Variants in ZNF366 observed in about 807,000 individuals in gnomAD.
The protein encoded by ZNF366 is dendritic cell-specific transcript protein.
A neutral mutation model predicts 47.2 loss-of-function variants in ZNF366; 20 were observed. That is an observed-to-expected ratio of 0.42 (90% confidence interval 0.30 to 0.62). The LOEUF (loss-of-function observed/expected upper bound fraction) is 0.62, where lower values mean the gene tolerates loss of function less well. Among genes scored for constraint, ZNF366 ranks in the 20% least tolerant of loss-of-function variants. The probability of loss-of-function intolerance (pLI) is 0.16; values close to 1 mark genes in which losing one functional copy is unlikely to be tolerated. For missense variants in ZNF366, 987 were observed against 976.3 expected (o/e 1.01, Z -0.15); for synonymous variants, 421 against 395.1 (o/e 1.07, Z -0.78).
In ZNF366 at chr5:72,443,877, A is replaced by G. The variant is rs756197129; in HGVS notation, c.2114T>C (p.Phe705Ser). Residue 705 changes from phenylalanine (F) to serine (S), a missense_variant, in exon 5 of 5, where the codon TTT becomes TCT. Phe to Ser is a radical substitution (Grantham distance 155, BLOSUM62 -2). Transcript: ENST00000318442. Reference sequence around the variant, plus strand: ...AGAGGGGCCCCGCCGGGTACTCTGAAAAGCCCTGAGACTGAGACACTCATC... The same window carrying G: ...AGAGGGGCCCCGCCGGGTACTCTGAGAAGCCCTGAGACTGAGACACTCATC... Reference protein sequence around the residue: ...GRDECLSLRAFQSTRRGPSFS... With the variant: ...GRDECLSLRASQSTRRGPSFS... The G allele has an allele frequency of 3.7e-6, 6 of 1,614,186 alleles. No individual in the cohort carries two copies. The highest frequency in any genetic ancestry group is 5.1e-6 in the Non-Finnish European group (6 of 1,180,030).
At chr5:72,481,798 C>T (rs1340398850) in intron 1 of ZNF366, among the ~76,000 whole-genome samples, 1 of 152,190 alleles carries the variant, frequency 6.6e-6, no homozygotes, top group African/African-American at 2.4e-5. Context: ...CTAACTTACA[C>T]TGAGATAACT....
At position 72,447,393 on chromosome 5, in the gene ZNF366, TC is replaced by T; in HGVS notation, c.1548del (p.Met517CysfsTer4). ...KCKLCGKEFN[R>X]MHNLMGHMHL... is the part of the protein sequence containing the mutation. ...TGCATGTGGCCCATCAGGTTGTGCA[TC>T]CGGTTGAATTCCTTCCCACAAAGCT... is the stretch of plus-strand genomic sequence containing the variant. On this transcript the variant is annotated frameshift_variant, in exon 4 of 5. Coordinates refer to ENST00000318442, the MANE Select transcript of ZNF366 (RefSeq NM_152625.3). LOFTEE classifies it high-confidence loss of function. 6.2e-7 allele frequency: 1 copy of T among 1,614,162 alleles called. No individual in the cohort carries two copies. Among genetic ancestry groups the T allele is most frequent in the Non-Finnish European group, 8.5e-7 (1 of 1,180,022 alleles).
intron 1 of ZNF366, among the ~76,000 whole-genome samples, chr5:72,498,668 A>C (rs1003144321): frequency 1.3e-5 from 2 of 152,262 alleles, no homozygotes; most frequent in African/African-American, 4.8e-5. Context: ...TAAGAGATTG[A>C]ACATCAGATA....
rs370490725 is a variant in ZNF366 at position 72,460,060 on chromosome 5, G to A, written c.1332+105C>T. 33 of 1,448,642 alleles carry A rather than the reference G, an allele frequency of 2.3e-5. No homozygotes were observed. The Admixed American group carries it at 2.5e-4, about 11-fold the overall frequency. 89.7% of individuals were successfully genotyped at this position (1,448,642 alleles called of 1,614,324 possible). A position where few individuals can be genotyped will look rare whatever the true frequency, so the allele number is the denominator to read the frequency against. On this transcript the variant is annotated intron_variant, in intron 2 of 4. Coordinates refer to ENST00000318442, the MANE Select transcript of ZNF366 (RefSeq NM_152625.3). ...TTGTCCGGGGTTGCCCACCTCCTCG[G>A]GGTAAGGTGCAGAGCGGCACAGGCG...
intron 1 of ZNF366, among the ~76,000 whole-genome samples, chr5:72,484,495 A>AAAAAAAAAAAAAAAAAATAATAATAAT (rs1313925109): frequency 1.4e-5 from 2 of 145,820 alleles, no homozygotes; most frequent in African/African-American, 5.1e-5. Flanking sequence ...AAAAAAAAAA[A>AAAAAAAAAAAAAAAAAATAATAATAAT]AATAATAATA....
Position 72,443,621 on chromosome 5 carries a change from C to T in ZNF366, c.*135G>A. On this transcript the variant is annotated 3_prime_UTR_variant, in exon 5 of 5. Coordinates refer to ENST00000318442, the MANE Select transcript of ZNF366 (RefSeq NM_152625.3). The stretch of plus-strand genomic sequence containing the variant: ...TGAGAAGGCTTTCCATTACCTACAT[C>T]CCTGCTCATTTAGTCTAAGCCATTT... 1 of 962,684 alleles carries T rather than the reference C, an allele frequency of 1.0e-6. No homozygotes were observed. The highest frequency in any genetic ancestry group is 2.6e-5 in the East Asian group (1 of 38,254). The allele number at this position is 962,684 out of a possible 1,614,324, so 59.6% of individuals were successfully genotyped here. A position where few individuals can be genotyped will look rare whatever the true frequency, so the allele number is the denominator to read the frequency against.
chr5:72,485,116 AC>A (rs983456924), intron 1 of ZNF366, among the ~76,000 whole-genome samples: 15 of 151,728 alleles, frequency 9.9e-5, no homozygotes, highest in South Asian at 4.2e-4. Flanking sequence ...TAGTAAAAAA[AC>A]ATTAAAAAAT....
At chr5:72,462,513 T>TTCTTTCTTTCTTTCTTTCTG (rs1743337866) in intron 1 of ZNF366, among the ~76,000 whole-genome samples, 1 of 70,946 alleles carries the variant, frequency 1.4e-5, no homozygotes, top group African/African-American at 9.1e-5. Flanking sequence ...CCAGTTTTCT[T>TTCTTTCTTTCTTTCTTTCTG]TCTTTCTTTC....
intron 1 of ZNF366, among the ~76,000 whole-genome samples, chr5:72,487,779 A>G (rs1279404432): frequency 2.0e-5 from 3 of 152,220 alleles, no homozygotes; most frequent in African/African-American, 7.2e-5. Context: ...AGTAGTGGAC[A>G]AATATGGGTA....
intron 1 of ZNF366, among the ~76,000 whole-genome samples, chr5:72,484,462 C>T (rs1327312566): frequency 4.3e-4 from 60 of 140,536 alleles, no homozygotes; most frequent in Admixed American, 4.1e-3. Context: ...CCAGCCTGGG[C>T]GACAGAGCGA....
At chr5:72,502,713 A>T (rs1744232769) in intron 1 of ZNF366, among the ~76,000 whole-genome samples, 1 of 152,246 alleles carries the variant, frequency 6.6e-6, no homozygotes, top group South Asian at 2.1e-4. Context: ...ACCTTATGAG[A>T]TAGAATCTAC....
In ZNF366 at chr5:72,456,571, T is replaced by A. The variant is rs1743189115; in HGVS notation, c.1357A>T (p.Ile453Phe). The A allele has an allele frequency of 6.2e-7, 1 of 1,611,486 alleles. No homozygotes were observed. The highest frequency in any genetic ancestry group is 1.7e-5 in the Admixed American group (1 of 59,952). ...HKGVKEHKCG[I>F]CGREFTLLAN... ...AGCAGGGTGAACTCCCGCCCACAAATCCCACACTTATGCTCCTTCACACCC... is the reference window on the plus strand; with the variant it reads ...AGCAGGGTGAACTCCCGCCCACAAAACCCACACTTATGCTCCTTCACACCC... Residue 453 changes from isoleucine to phenylalanine, a missense_variant, in exon 3 of 5, where the codon ATT becomes TTT. Physicochemically the swap from Ile to Phe is conservative, Grantham distance 21. Coordinates refer to ENST00000318442, the MANE Select transcript of ZNF366 (RefSeq NM_152625.3).
intron 1 of ZNF366, among the ~76,000 whole-genome samples, chr5:72,470,677 C>T (rs560338832): frequency 2.0e-5 from 3 of 152,318 alleles, no homozygotes; most frequent in Admixed American, 6.5e-5. Flanking sequence ...CTAGGTTTCT[C>T]TTGCTCCCTG....
intron 1 of ZNF366, among the ~76,000 whole-genome samples, chr5:72,489,144 G>C (rs193237067): frequency 8.5e-5 from 13 of 152,172 alleles, no homozygotes; most frequent in Admixed American, 5.2e-4. Context: ...GGGAGGCCAA[G>C]GTGGGTGGAT....
Position 72,447,346 on chromosome 5 carries a change from G to A in ZNF366, c.1596C>T (p.Pro532=). The change falls in exon 4 of 5, where the codon CCC becomes CCT. Residue 532 remains proline (P), a synonymous_variant. Transcript: ENST00000318442. The part of the protein sequence containing the change: ...GHMHLHSDSK[P]FKCLYCPSKF... ...TGCTTGGGCAATAGAGGCACTTGAA[G>A]GGTTTGCTGTCTGAGTGCAGGTGCA... is the stretch of plus-strand genomic sequence containing the variant. The A allele has an allele frequency of 1.2e-6, 2 of 1,614,206 alleles. No individual in the cohort carries two copies. Among genetic ancestry groups the A allele is most frequent in the Non-Finnish European group, 1.7e-6 (2 of 1,180,040 alleles).
intron 2 of ZNF366, among the ~76,000 whole-genome samples, chr5:72,458,218 G>A (rs371338658): frequency 5.9e-5 from 9 of 151,730 alleles, no homozygotes; most frequent in Admixed American, 2.6e-4. Flanking sequence ...GGGTTTCACC[G>A]TGTTAGCCAG....
intron 1 of ZNF366, among the ~76,000 whole-genome samples, chr5:72,462,507 TTTTCTTTCTTTC>T (rs765498463): frequency 1.5e-3 from 122 of 82,480 alleles, no homozygotes; most frequent in Middle Eastern, 7.1e-3. Context: ...TCCTTGCCAG[TTTTCTTTCTTTC>T]TTTCTTTCTT....
chr5:72,462,507 T>TTTTCTTTCTTTCTTTCCTTC (rs1743336339), intron 1 of ZNF366, among the ~76,000 whole-genome samples: 1 of 82,462 alleles, frequency 1.2e-5, no homozygotes, highest in Non-Finnish European at 2.2e-5. Context: ...TCCTTGCCAG[T>TTTTCTTTCTTTCTTTCCTTC]TTTCTTTCTT....
At chr5:72,499,790 A>G (rs948964693) in intron 1 of ZNF366, among the ~76,000 whole-genome samples, 1 of 152,124 alleles carries the variant, frequency 6.6e-6, no homozygotes, top group African/African-American at 2.4e-5. Flanking sequence ...TGAAAACCTG[A>G]AATTCCTCAT....
Sources: gnomAD v4.1 joint callset for allele counts (sites outside exome capture counted in the v4.1 genomes callset) on GRCh38, gnomAD v4.1.1 for gene constraint, MANE v1.5 for transcripts, NCBI Gene and HGNC (gene_info 2026-07-23, HGNC 2026-07-21) for gene names.